BRSK2: variants seen among roughly 807,000 people sequenced by gnomAD.
The protein encoded by BRSK2 is serine/threonine-protein kinase BRSK2.
In BRSK2, 19 loss-of-function variants were observed where a neutral mutation model predicts 83.3. The observed-to-expected ratio is 0.23, with a 90% confidence interval of 0.16 to 0.33. The LOEUF is 0.33. Among genes scored for constraint, BRSK2 ranks in the 10% least tolerant of loss-of-function variants. BRSK2 has a pLI of 1.00. For synonymous variants in BRSK2, 519 were observed against 435.4 expected, an observed-to-expected ratio of 1.19 and a Z score of -2.39; for missense variants, 798 against 1,042.3, an observed-to-expected ratio of 0.77 and a Z score of 3.23.
chr11:1,396,237 C>CGCCTCG (rs1564790843), intron 1 of BRSK2, among the ~76,000 whole-genome samples: 3 of 127,598 alleles, frequency 2.4e-5, no homozygotes, highest in Admixed American at 7.4e-5. Flanking sequence ...CCCTTCCACC[C>CGCCTCG]ACGTCCCCCA....
intron 1 of BRSK2, among the ~76,000 whole-genome samples, chr11:1,414,568 G>T (rs375639209): frequency 1.3e-5 from 2 of 152,354 alleles, no homozygotes; most frequent in Admixed American, 1.3e-4. Flanking sequence ...CACTGACATT[G>T]TTTAGTGTAG....
intron 1 of BRSK2, among the ~76,000 whole-genome samples, chr11:1,435,622 G>A (rs557013932): frequency 1.3e-4 from 19 of 149,242 alleles, no homozygotes; most frequent in African/African-American, 4.0e-4. Context: ...GGAGGGCTGC[G>A]GCTGAGGTAT....
chr11:1,441,020 C>G (rs1056015756), intron 4 of BRSK2, 92 bp downstream of exon 4: 2 of 1,138,980 alleles, frequency 1.8e-6, no homozygotes, highest in South Asian at 1.4e-5. Context: ...AGGACTACAC[C>G]CCCTATGGTG....
intron 1 of BRSK2, among the ~76,000 whole-genome samples, chr11:1,401,235 C>G (rs545160109): frequency 5.0e-4 from 76 of 152,370 alleles, no homozygotes; most frequent in African/African-American, 1.7e-3. Flanking sequence ...CAGCACATGC[C>G]CCCGGCATCA....
intron 3 of BRSK2, among the ~76,000 whole-genome samples, chr11:1,439,025 T>C (rs997762907): frequency 2.8e-4 from 43 of 152,174 alleles, no homozygotes; most frequent in African/African-American, 8.7e-4. Flanking sequence ...TGGGGCTTTC[T>C]GACAGATGAG....
intron 1 of BRSK2, among the ~76,000 whole-genome samples, chr11:1,404,590 GA>G (rs1337110854): frequency 6.6e-6 from 1 of 152,212 alleles, no homozygotes; most frequent in African/African-American, 2.4e-5. Context: ...TGGGAGGGCA[GA>G]GGGGGCGCCC....
In BRSK2 at chr11:1,460,483, CTG is replaced by C. The variant is rs1847329020; in HGVS notation, c.1988-15_1988-14del. On this transcript the variant is annotated splice_polypyrimidine_tract_variant and intron_variant, in intron 19 of 19. Coordinates refer to ENST00000528841, the MANE Select transcript of BRSK2 (RefSeq NM_001256627.2). ...TTCCTTTTTTTTTTTTTTTTTGTCT[CTG>C]TTCTGTGTACCCAGGCAGCCCATTG... 1 of 818,550 alleles carries C rather than the reference CTG, an allele frequency of 1.2e-6. No individual in the cohort carries two copies. The allele number at this position is 818,550 out of a possible 1,614,324, so 50.7% of individuals were successfully genotyped here. A position where few individuals can be genotyped will look rare whatever the true frequency, so the allele number is the denominator to read the frequency against.
chr11:1,440,700 G>A (rs996787951), intron 3 of BRSK2, 88 bp from the exon 4 acceptor site: 18 of 1,480,742 alleles, frequency 1.2e-5, no homozygotes, highest in East Asian at 5.0e-5. Flanking sequence ...AGAGAGGCTG[G>A]GCCAGGAGGC....
At position 1,445,282 on chromosome 11, in the gene BRSK2, C is replaced by T. The variant is rs1851874005; in HGVS notation, c.813-12C>T. The T allele has an allele frequency of 1.2e-6, 2 of 1,600,094 alleles. No homozygotes were observed. The highest frequency in any genetic ancestry group is 1.7e-6 in the Non-Finnish European group (2 of 1,172,476). ...GGAGCTGATGAGCGGGTGGCCCGTCCTGTGTCCACAGAGGGGGCAAGAATG... is the reference window on the plus strand; with the variant it reads ...GGAGCTGATGAGCGGGTGGCCCGTCTTGTGTCCACAGAGGGGGCAAGAATG... On this transcript the variant is annotated splice_polypyrimidine_tract_variant and intron_variant, in intron 9 of 19. Coordinates refer to ENST00000528841, the MANE Select transcript of BRSK2 (RefSeq NM_001256627.2).
At chr11:1,434,196 G>A (rs574740945) in intron 1 of BRSK2, among the ~76,000 whole-genome samples, 2 of 152,358 alleles carry the variant, frequency 1.3e-5, no homozygotes, top group South Asian at 4.1e-4. Context: ...CGTCCCGCGG[G>A]TCAACAGGGC....
chr11:1,393,731 C>T (rs150761577), intron 1 of BRSK2, among the ~76,000 whole-genome samples: 21 of 152,212 alleles, frequency 1.4e-4, no homozygotes, highest in African/African-American at 3.9e-4. Flanking sequence ...CCTGGGAGAC[C>T]CTGGGGGTGA....
At chr11:1,458,079 G>A (rs1269797239) in intron 18 of BRSK2, among the ~76,000 whole-genome samples, 1 of 152,166 alleles carries the variant, frequency 6.6e-6, no homozygotes, top group Admixed American at 6.5e-5. Flanking sequence ...ACCGAGGCCA[G>A]GGAACGACAG....
Position 1,423,397 on chromosome 11 carries a change from A to AGT in BRSK2, c.92-12635_92-12634dup, listed in dbSNP as rs749414709. Among the ~76,000 whole-genome samples, 3 of 151,610 alleles carry AGT rather than the reference A, an allele frequency of 2.0e-5. No individual in the cohort carries two copies. The highest frequency in any genetic ancestry group is 2.9e-5 in the Non-Finnish European group (2 of 67,884). ...TCTGGCCAGGTTCAGGCACGTGGAG[A>AGT]GTGTGTGTGGGGAGAAGTTCTGAGA... is the stretch of plus-strand genomic sequence containing the variant. On this transcript the variant is annotated intron_variant, in intron 1 of 19. Coordinates refer to ENST00000528841, the MANE Select transcript of BRSK2 (RefSeq NM_001256627.2). This position sits in a 1 kb window ranked among gnomAD's most constrained non-coding sequence, Gnocchi z 6.5.
intron 1 of BRSK2, among the ~76,000 whole-genome samples, chr11:1,395,798 C>G (rs765249093): frequency 1.1e-4 from 17 of 152,202 alleles, no homozygotes; most frequent in Non-Finnish European, 1.9e-4. Context: ...AGCCTCAAGG[C>G]CAGGCTGTGC....
In BRSK2 at chr11:1,390,055, C is replaced by A; in HGVS notation, c.-230C>A. The A allele has an allele frequency of 6.8e-6, 1 of 147,828 alleles. No homozygotes were observed. The highest frequency in any genetic ancestry group is 1.8e-4 in the South Asian group (1 of 5,646). The allele number at this position is 147,828 out of a possible 1,614,324, so 9.2% of individuals were successfully genotyped here. ...GCCAGGTGCCCCCGCCCGCCCTGTC[C>A]TCTCGACGAGGCGGAGGCGTCGCCG... On this transcript the variant is annotated 5_prime_UTR_variant, in exon 1 of 20. Coordinates refer to ENST00000528841, the MANE Select transcript of BRSK2 (RefSeq NM_001256627.2). This position sits in a 1 kb window ranked among gnomAD's most constrained non-coding sequence, Gnocchi z 6.8.
chr11:1,444,591 C>G (rs371936544), intron 8 of BRSK2, among the ~76,000 whole-genome samples: 1 of 152,066 alleles, frequency 6.6e-6, no homozygotes, highest in African/African-American at 2.4e-5. Context: ...CCTAGAGCCA[C>G]GGAGGGGCCC....
In BRSK2 at chr11:1,456,416, G is replaced by A. The variant is rs373493303; in HGVS notation, c.1737G>A (p.Gly579=). 1.6e-5 allele frequency: 26 copies of A among 1,599,950 alleles called. No individual in the cohort carries two copies. Among genetic ancestry groups the A allele is most frequent in the South Asian group, 2.2e-5 (2 of 88,892 alleles). Residue 579 remains glycine (G), a synonymous_variant, in exon 17 of 20, where the codon GGG becomes GGA. Transcript: ENST00000528841. ...SFRAEYKATG[G]PAVFQKPVKF... is the part of the protein sequence containing the mutation. ...GGGCCGAGTACAAGGCCACGGGGGGGCCAGCCGTGTTCCAGAAGCCGGTCA... is the reference window on the plus strand; with the variant it reads ...GGGCCGAGTACAAGGCCACGGGGGGACCAGCCGTGTTCCAGAAGCCGGTCA...
At chr11:1,451,261 G>C in intron 14 of BRSK2, 110 bp from the exon 15 acceptor site, 3 of 1,285,964 alleles carry the variant, frequency 2.3e-6, no homozygotes, top group South Asian at 2.4e-5. Context: ...GGCTGTCCCA[G>C]TGTGTGTGGG....
chr11:1,427,067 A>G (rs558710426), intron 1 of BRSK2, among the ~76,000 whole-genome samples: 1 of 152,146 alleles, frequency 6.6e-6, no homozygotes, highest in Non-Finnish European at 1.5e-5. Context: ...TACCCAAACT[A>G]AAGAGCAGCC....
Sources: allele counts gnomAD v4.1 joint callset (sites outside exome capture counted in the v4.1 genomes callset), GRCh38; gene constraint gnomAD v4.1.1; non-coding constraint Gnocchi (gnomAD v3.1); transcripts MANE v1.5; gene names NCBI Gene and HGNC (gene_info 2026-07-23, HGNC 2026-07-21).